The following OTOG variants were observed in gnomAD, a reference collection of about 807,000 sequenced individuals.
OTOG encodes the protein otogelin.
In OTOG, 296 loss-of-function variants were observed where a neutral mutation model predicts 313.8. The ratio of observed to expected loss-of-function variants is 0.94; its 90% CI spans 0.86 to 1.04. The LOEUF is 1.04. Ranked by LOEUF, OTOG falls within the 50% of genes least tolerant of loss-of-function variation. The pLI, the probability that OTOG is intolerant of heterozygous loss-of-function variation, is 0.00. For missense variants in OTOG, 3,948 were observed against 3,840.1 expected (o/e 1.03, Z -0.74); for synonymous variants, 1,533 against 1,554.9 (o/e 0.99, Z 0.33).
intron 28 of OTOG, among the ~76,000 whole-genome samples, 151 bp downstream of exon 28, chr11:17,594,317 C>G (rs1181361054): frequency 2.0e-5 from 3 of 152,248 alleles, no homozygotes; most frequent in African/African-American, 7.2e-5. Flanking sequence ...TAGCCCTAGA[C>G]TCTGTCCTAT....
intron 23 of OTOG, among the ~76,000 whole-genome samples, chr11:17,584,962 G>T (rs1428472173): frequency 2.0e-5 from 3 of 152,122 alleles, no homozygotes; most frequent in African/African-American, 2.4e-5. Flanking sequence ...TGTGACTGAC[G>T]TATTATTTAA....
rs770984866 is a variant in OTOG, at chr11:17,639,426, G to A, written c.7898G>A (p.Cys2633Tyr). 9 of 1,550,732 alleles carry A rather than the reference G, an allele frequency of 5.8e-6. No homozygotes were observed. Among genetic ancestry groups the A allele is most frequent in the African/African-American group, 1.4e-5 (1 of 73,168 alleles). ...CCTGGCCCCTTGTGTTTTTCAGAAT[G>A]TGACTGTGACACAATCCCGGTGCCC... ...DRCCPYKSCE[C>Y]DCDTIPVPRC... Residue 2633 changes from cysteine (C) to tyrosine (Y), a missense_variant, in exon 49 of 56, where the codon TGT becomes TAT. Physicochemically the swap from Cys to Tyr is radical, Grantham distance 194. Coordinates refer to ENST00000399397, the MANE Select transcript of OTOG (RefSeq NM_001292063.2).
rs750356823 is a variant in OTOG at position 17,612,168 on chromosome 11, G to A, written c.6130G>A (p.Ala2044Thr). 9.4e-5 allele frequency: 146 copies of A among 1,549,264 alleles called. No individual in the cohort carries two copies. The Middle Eastern group carries it at 1.5e-3, about 16-fold the overall frequency. Reference sequence around the variant, plus strand: ...TCCTCCACTCTGTACCCAGCCAATCGCCGAGCAGGACTGCGTCCGCCACAT... The same window carrying A: ...TCCTCCACTCTGTACCCAGCCAATCACCGAGCAGGACTGCGTCCGCCACAT... ...ANTSTTCVPIAEQDCVRHICL... is the reference protein window; with the variant it reads ...ANTSTTCVPITEQDCVRHICL... The change falls in exon 37 of 56, where the codon GCC becomes ACC. Residue 2044 changes from alanine to threonine, a missense_variant. Physicochemically the swap from Ala to Thr is moderately conservative, Grantham distance 58. Coordinates refer to ENST00000399397, the MANE Select transcript of OTOG (RefSeq NM_001292063.2).
At chr11:17,586,623 G>T in intron 24 of OTOG, 42 bp downstream of exon 24, 1 of 1,118,598 alleles carries the variant, frequency 8.9e-7, no homozygotes, top group Non-Finnish European at 1.2e-6. Context: ...TTTGCTGGGA[G>T]GGGGCATGGA....
chr11:17,573,821 G>C (rs1852459086), intron 19 of OTOG, among the ~76,000 whole-genome samples: 1 of 152,188 alleles, frequency 6.6e-6, no homozygotes, highest in African/African-American at 2.4e-5. Context: ...AAATGAAAAA[G>C]GCACTGTACT....
Position 17,631,831 on chromosome 11 carries a change from C to A in OTOG, c.6842C>A (p.Thr2281Asn). Residue 2281 changes from threonine to asparagine, a missense_variant, in exon 41 of 56, where the codon ACC (threonine) becomes AAC (asparagine). Coordinates refer to ENST00000399397, the MANE Select transcript of OTOG (RefSeq NM_001292063.2). ...VPSSLTSVGQ[T>N]RFRPDSCATT... The stretch of plus-strand genomic sequence containing the variant: ...AGCTCCCTGACCTCAGTGGGCCAGA[C>A]CCGCTTCCGCCCAGACAGCTGCGCC... 1 of 1,550,632 alleles carries A rather than the reference C, an allele frequency of 6.4e-7. No individual in the cohort carries two copies. Among genetic ancestry groups the A allele is most frequent in the Non-Finnish European group, 8.7e-7 (1 of 1,147,012 alleles).
chr11:17,569,772 G>T (rs1474760784), intron 16 of OTOG, among the ~76,000 whole-genome samples: 1 of 152,122 alleles, frequency 6.6e-6, no homozygotes, highest in East Asian at 1.9e-4. Context: ...ACCATAAAGG[G>T]TATAAAATGT....
chr11:17,606,069 G>T lies in OTOG; in HGVS notation c.4090G>T (p.Val1364Leu). The T allele has an allele frequency of 6.5e-7, 1 of 1,550,224 alleles. No homozygotes were observed. Among genetic ancestry groups the T allele is most frequent in the Non-Finnish European group, 8.7e-7 (1 of 1,146,894 alleles). The change falls in exon 33 of 56, where the codon GTG (valine) becomes TTG (leucine). Residue 1364 changes from valine (V) to leucine (L), a missense_variant. By Grantham distance (32) the Val-to-Leu change is conservative (BLOSUM62 1). Transcript: ENST00000399397. ...CTCCTTCCTCTATGTGTCGGGCGCG[G>T]TGCTGGCCCTGCGGCTGTACGAACA... ...PSSFLYVSGA[V>L]LALRLYEHTE...
At position 17,574,861 on chromosome 11, in the gene OTOG, C is replaced by T. The variant is rs891306942; in HGVS notation, c.2435C>T (p.Ala812Val). 5.2e-6 allele frequency: 8 copies of T among 1,544,636 alleles called. No homozygotes were observed. In the African/African-American group the frequency reaches 5.5e-5, roughly 11 times the overall value. The change falls in exon 20 of 56, where the codon GCC becomes GTC. Residue 812 changes from alanine to valine, a missense_variant. Ala to Val is a moderately conservative substitution (Grantham distance 64). Transcript: ENST00000399397. The stretch of plus-strand genomic sequence containing the variant: ...AGAGACGAGTGTGTGGAGGGCTGTG[C>T]CTGCCCACCGGACACCTATCTGGAC... ...LSRDECVEGC[A>V]CPPDTYLDTQ...
intron 34 of OTOG, 87 bp from the exon 35 acceptor site, chr11:17,609,043 A>T: frequency 9.6e-7 from 1 of 1,041,444 alleles, no homozygotes; most frequent in Admixed American, 2.3e-5. Flanking sequence ...GTCATAAGAA[A>T]GGATAAGGCC....
intron 39 of OTOG, among the ~76,000 whole-genome samples, chr11:17,624,024 G>A (rs191174836): frequency 2.6e-4 from 39 of 152,170 alleles, no homozygotes; most frequent in African/African-American, 9.1e-4. Flanking sequence ...TTATAAATTT[G>A]TTTAAGTTCC....
chr11:17,555,945 T>C, intron 7 of OTOG, 48 bp downstream of exon 7: 1 of 1,393,466 alleles, frequency 7.2e-7, no homozygotes, highest in Non-Finnish European at 9.9e-7. Flanking sequence ...CTGACACTGG[T>C]GGTGGTGGAT....
At chr11:17,559,482 C>T in intron 11 of OTOG, 52 bp from the exon 12 acceptor site, 1 of 1,549,176 alleles carries the variant, frequency 6.5e-7, no homozygotes, top group Non-Finnish European at 8.7e-7. Flanking sequence ...GAGCTGGGTC[C>T]TGGCAGAGCT....
Position 17,610,630 on chromosome 11 carries a change from C to T in OTOG, c.5330C>T (p.Thr1777Ile), listed in dbSNP as rs1853508894. 1 of 1,550,700 alleles carries T rather than the reference C, an allele frequency of 6.4e-7. No homozygotes were observed. Reference sequence around the variant, plus strand: ...ACCCCAGCTGCCGCCAGCCTGTCAACAGCCACTGATGGGCTGGCAGCCACA... The same window carrying T: ...ACCCCAGCTGCCGCCAGCCTGTCAATAGCCACTGATGGGCTGGCAGCCACA... ...PETPAAASLSTATDGLAATPF... is the reference protein window; with the variant it reads ...PETPAAASLSIATDGLAATPF... The change falls in exon 36 of 56, where the codon ACA becomes ATA. Residue 1777 changes from threonine (T) to isoleucine (I), a missense_variant. Physicochemically the swap from Thr to Ile is moderately conservative, Grantham distance 89. Transcript: ENST00000399397.
chr11:17,568,963 C>T (rs777618635), intron 15 of OTOG, among the ~76,000 whole-genome samples, 193 bp from the exon 16 acceptor site: 7 of 152,182 alleles, frequency 4.6e-5, no homozygotes, highest in Non-Finnish European at 4.4e-5. Flanking sequence ...CCTTCTCCAA[C>T]CTGAGCCTCT....
At chr11:17,638,828 T>C in intron 48 of OTOG, 1 of 1,399,290 alleles carries the variant, frequency 7.1e-7, no homozygotes, top group Non-Finnish European at 9.5e-7. Flanking sequence ...CCGGGCACGG[T>C]GGCTCACACC....
chr11:17,638,347 G>A (rs1847897372), intron 47 of OTOG, 104 bp from the exon 48 acceptor site: 1 of 985,316 alleles, frequency 1.0e-6, no homozygotes, highest in African/African-American at 1.6e-5. Context: ...GGGTCACTAA[G>A]GAGGAGCTGG....
intron 20 of OTOG, 77 bp from the exon 21 acceptor site, chr11:17,576,479 G>A: frequency 8.3e-7 from 1 of 1,208,084 alleles, no homozygotes; most frequent in East Asian, 2.5e-5. Flanking sequence ...TTGGCTGAGG[G>A]TGGGGTCCCT....
rs1471374609 is a variant in OTOG, at chr11:17,547,609, C to G, written c.94+143C>G. 18 of 1,262,730 alleles carry G rather than the reference C, an allele frequency of 1.4e-5. No individual in the cohort carries two copies. In the South Asian group the frequency reaches 4.7e-4, roughly 33 times the overall value. 78.2% of individuals were successfully genotyped at this position (1,262,730 alleles called of 1,614,324 possible). A position where few individuals can be genotyped will look rare whatever the true frequency, so the allele number is the denominator to read the frequency against. On this transcript the variant is annotated intron_variant, in intron 1 of 55. Coordinates refer to ENST00000399397, the MANE Select transcript of OTOG (RefSeq NM_001292063.2). ...CAGAGGGACACCCAGGAGGAGCAGT[C>G]AGGGGAGGAGGGACCCCGAAGCCAA...
Sources: allele counts gnomAD v4.1 joint callset (sites outside exome capture counted in the v4.1 genomes callset), GRCh38; gene constraint gnomAD v4.1.1; transcripts MANE v1.5; gene names NCBI Gene and HGNC (gene_info 2026-07-23, HGNC 2026-07-21).